Variants in ING1 observed in about 807,000 individuals in gnomAD.
The protein encoded by ING1 is inhibitor of growth protein 1.
In ING1, 4 loss-of-function variants were observed where a neutral mutation model predicts 23.1. The observed-to-expected ratio is 0.17, with a 90% CI of 0.09 to 0.40. ING1 has a LOEUF of 0.40. Among genes scored for constraint, ING1 ranks in the 10% least tolerant of loss-of-function variants. The probability of loss-of-function intolerance (pLI) is 1.00; values close to 1 mark genes in which losing one functional copy is unlikely to be tolerated. For synonymous variants in ING1, 179 were observed against 166.4 expected (o/e 1.08, Z -0.58); for missense variants, 256 against 393.8 (o/e 0.65, Z 2.96).
At chr13:110,713,065 G>T (rs1325885460), upstream of ING1, 1 of 1,454,274 alleles carries the variant, frequency 6.9e-7, no homozygotes, top group Non-Finnish European at 9.1e-7. Flanking sequence ...GCCCGTGCCC[G>T]GCCCTCCCCT....
chr13:110,715,234 A>G (rs537569474), intron 1 of ING1: 4 of 1,308,356 alleles, frequency 3.1e-6, no homozygotes, highest in East Asian at 2.9e-5. Context: ...GGAGTTTACT[A>G]ATGTTTACAA....
rs752861952 is a variant in ING1, at chr13:110,715,553, T to G, written c.136+1268T>G. On this transcript the variant is annotated intron_variant, in intron 1 of 1. Coordinates refer to ENST00000333219, the MANE Select transcript of ING1 (RefSeq NM_198219.3). ...GGTATGGGTCTGTGTTTCCGCTGTCTTCTTTTTTCTTTTTCGGGGAGGAGC... is the reference window on the plus strand; with the variant it reads ...GGTATGGGTCTGTGTTTCCGCTGTCGTCTTTTTTCTTTTTCGGGGAGGAGC... The G allele has an allele frequency of 3.3e-5, 53 of 1,613,882 alleles. No homozygotes were observed. The highest frequency in any genetic ancestry group is 1.1e-4 in the South Asian group (10 of 91,088).
At chr13:110,715,282 C>CAA (rs370824976) in intron 1 of ING1, 45 of 1,189,686 alleles carry the variant, frequency 3.8e-5, no homozygotes, top group South Asian at 8.5e-5. Context: ...TGGGTGGGGG[C>CAA]AAAAAAAAAA....
At chr13:110,716,335 C>G (rs1025796112) in intron 1 of ING1, among the ~76,000 whole-genome samples, 9 of 152,136 alleles carry the variant, frequency 5.9e-5, no homozygotes, top group African/African-American at 1.9e-4. Flanking sequence ...TCCTGCCCCC[C>G]CGGGAGTACT....
intron 1 of ING1, among the ~76,000 whole-genome samples, chr13:110,716,581 AT>A (rs1483505240): frequency 6.6e-6 from 1 of 152,174 alleles, no homozygotes; most frequent in Non-Finnish European, 1.5e-5. Flanking sequence ...TGCTTGAATT[AT>A]TTTTCAAACA....
chr13:110,720,568 A>G lies in ING1; in HGVS notation c.*636A>G, dbSNP rs2064164060. 1 of 167,094 alleles carries G rather than the reference A, an allele frequency of 6.0e-6. No individual in the cohort carries two copies. Among genetic ancestry groups the G allele is most frequent in the African/African-American group, 2.4e-5 (1 of 41,444 alleles). 10.4% of individuals were successfully genotyped at this position (167,094 alleles called of 1,614,324 possible). ...TCAAGTCATGCTTTTGCTATCACCA[A>G]TCATAGTGTACCCATCTTTAATTTA... On this transcript the variant is annotated 3_prime_UTR_variant, in exon 2 of 2. Coordinates refer to ENST00000333219, the MANE Select transcript of ING1 (RefSeq NM_198219.3).
Position 110,722,903 on chromosome 13 carries a change from C to T in ING1, c.*2971C>T, listed in dbSNP as rs1197347330. The T allele has an allele frequency of 6.6e-6, 1 of 151,866 alleles. No individual in the cohort carries two copies. Among genetic ancestry groups the T allele is most frequent in the East Asian group, 1.9e-4 (1 of 5,196 alleles). The allele number at this position is 151,866 out of a possible 1,614,324, so 9.4% of individuals were successfully genotyped here. A position where few individuals can be genotyped will look rare whatever the true frequency, so the allele number is the denominator to read the frequency against. On this transcript the variant is annotated 3_prime_UTR_variant, in exon 2 of 2. Transcript: ENST00000333219. The stretch of plus-strand genomic sequence containing the variant: ...CATGATTAGATACAATAGAAAGATC[C>T]TGGAATCCCGACATGAGGACAAAAA...
upstream of ING1, chr13:110,712,817 T>C: frequency 1.2e-6 from 1 of 846,974 alleles, no homozygotes; most frequent in East Asian, 2.6e-5. Context: ...CCACCTCTTC[T>C]GGGGCTCGGC....
chr13:110,713,372 C>A (rs543602000), upstream of ING1: 31 of 1,055,290 alleles, frequency 2.9e-5, no homozygotes, highest in African/African-American at 4.8e-4. Flanking sequence ...GCAGGCCGCT[C>A]CCCTGCGTTT....
chr13:110,719,484 C>T lies in ING1; in HGVS notation c.392C>T (p.Ala131Val), dbSNP rs1426168136. Reference protein sequence around the residue: ...DTAGNSGKAGADRPKGEAAAQ... With the variant: ...DTAGNSGKAGVDRPKGEAAAQ... ...GCGGGCAACAGCGGCAAGGCTGGCG[C>T]GGACAGGCCCAAAGGCGAGGCGGCA... is the stretch of plus-strand genomic sequence containing the variant. Residue 131 changes from alanine (A) to valine (V), a missense_variant, in exon 2 of 2, where the codon GCG (alanine) becomes GTG (valine). Coordinates refer to ENST00000333219, the MANE Select transcript of ING1 (RefSeq NM_198219.3). This position sits in a 1 kb window ranked among gnomAD's most constrained non-coding sequence, Gnocchi z 8.9. 1.1e-5 allele frequency: 18 copies of T among 1,612,524 alleles called. No individual in the cohort carries two copies. The highest frequency in any genetic ancestry group is 1.4e-5 in the Non-Finnish European group (16 of 1,179,466).
chr13:110,720,950 G>A lies in ING1; in HGVS notation c.*1018G>A, dbSNP rs574197955. 3.0e-4 allele frequency: 50 copies of A among 167,204 alleles called. No homozygotes were observed. Among genetic ancestry groups the A allele is most frequent in the Middle Eastern group, 3.4e-3 (1 of 296 alleles). The allele number at this position is 167,204 out of a possible 1,614,324, so 10.4% of individuals were successfully genotyped here. A position where few individuals can be genotyped will look rare whatever the true frequency, so the allele number is the denominator to read the frequency against. The stretch of plus-strand genomic sequence containing the variant: ...CAGCAAATAAATACGTGTCAAAAAA[G>A]AATCTGTATTCAGACCCTGGGTCAG... On this transcript the variant is annotated 3_prime_UTR_variant, in exon 2 of 2. Transcript: ENST00000333219.
At position 110,715,855 on chromosome 13, in the gene ING1, G is replaced by C. The variant is rs1279893285; in HGVS notation, c.136+1570G>C. 5.0e-6 allele frequency: 8 copies of C among 1,595,138 alleles called. No homozygotes were observed. The East Asian group carries it at 1.8e-4, about 36-fold the overall frequency. On this transcript the variant is annotated intron_variant, in intron 1 of 1. Coordinates refer to ENST00000333219, the MANE Select transcript of ING1 (RefSeq NM_198219.3). ...GCTCAGCCCGGCCACTTTCGGGCGC[G>C]GATTTATAGCAGTAGCAGTGATCCC...
At chr13:110,715,916 A>G (rs931251533) in intron 1 of ING1, 7 of 1,574,410 alleles carry the variant, frequency 4.4e-6, no homozygotes, top group Non-Finnish European at 6.0e-6. Context: ...TGCAGTTCGG[A>G]CCGCCTCCCG....
Position 110,721,021 on chromosome 13 carries a change from G to C in ING1, c.*1089G>C, listed in dbSNP as rs1061386. ...AAGTTCAGCCCACCATCTGTTTGAA[G>C]ATTATATGAAGTTTAAATTCTAGTG... On this transcript the variant is annotated 3_prime_UTR_variant, in exon 2 of 2. Coordinates refer to ENST00000333219, the MANE Select transcript of ING1 (RefSeq NM_198219.3). 117,718 of 167,018 alleles carry C rather than the reference G, an allele frequency of 0.7. 42,019 individuals carry two copies. Among genetic ancestry groups the C allele is most frequent in the South Asian group, 0.84 (4,035 of 4,830 alleles). 10.3% of individuals were successfully genotyped at this position (167,018 alleles called of 1,614,324 possible). A position where few individuals can be genotyped will look rare whatever the true frequency, so the allele number is the denominator to read the frequency against.
chr13:110,714,846 C>A, intron 1 of ING1: 1 of 414,706 alleles, frequency 2.4e-6, no homozygotes, highest in Non-Finnish European at 3.3e-6. Flanking sequence ...GCCGCCCCCG[C>A]CCAGCCCCCT....
chr13:110,715,880 CG>C, intron 1 of ING1: 8 of 1,591,172 alleles, frequency 5.0e-6, no homozygotes, highest in Non-Finnish European at 6.8e-6. Flanking sequence ...GCAGTGATCC[CG>C]GGCCTGTGGG....
Position 110,713,719 on chromosome 13 carries a change from A to G in ING1, c.-431A>G, listed in dbSNP as rs2064069582. 7.1e-6 allele frequency: 7 copies of G among 985,188 alleles called. No individual in the cohort carries two copies. The highest frequency in any genetic ancestry group is 8.4e-6 in the Non-Finnish European group (7 of 829,888). The allele number at this position is 985,188 out of a possible 1,614,324, so 61.0% of individuals were successfully genotyped here. A position where few individuals can be genotyped will look rare whatever the true frequency, so the allele number is the denominator to read the frequency against. On this transcript the variant is annotated 5_prime_UTR_variant, in exon 1 of 2. Coordinates refer to ENST00000333219, the MANE Select transcript of ING1 (RefSeq NM_198219.3). ...GTATTTGGGTTTTCCACGTTGGACAAGTGCGGCTCGGCGGCCAGCGGAGCG... is the reference window on the plus strand; with the variant it reads ...GTATTTGGGTTTTCCACGTTGGACAGGTGCGGCTCGGCGGCCAGCGGAGCG...
chr13:110,714,176 G>T lies in ING1; in HGVS notation c.27G>T (p.Gln9His). ...TGTTGAGTCCTGCCAACGGGGAGCA[G>T]CTCCACCTGGTGAACTATGTGGAGG... MLSPANGE[Q>H]LHLVNYVEDY... The change falls in exon 1 of 2, where the codon CAG becomes CAT. Residue 9 changes from glutamine to histidine, a missense_variant. Physicochemically the swap from Gln to His is conservative, Grantham distance 24 (BLOSUM62 0). This residue lies in a region of ING1 where 209 missense variants were observed against 273.8 expected (regional missense o/e 0.76). Transcript: ENST00000333219. 1 of 1,557,274 alleles carries T rather than the reference G, an allele frequency of 6.4e-7. No individual in the cohort carries two copies.
upstream of ING1, chr13:110,713,661 C>T (rs1425929378): frequency 3.0e-6 from 3 of 985,350 alleles, no homozygotes; most frequent in Admixed American, 6.2e-5. Flanking sequence ...CGCTGCGCAG[C>T]GGGGCTGAAT....
Sources: allele counts gnomAD v4.1 joint callset (sites outside exome capture counted in the v4.1 genomes callset), GRCh38; gene constraint gnomAD v4.1.1; regional missense constraint gnomAD v4.1.1; non-coding constraint Gnocchi (gnomAD v3.1); transcripts MANE v1.5; gene names NCBI Gene and HGNC (gene_info 2026-07-23, HGNC 2026-07-21).